Variants in ASTN2 observed in about 807,000 individuals in gnomAD.
The protein encoded by ASTN2 is astrotactin-2.
Under a neutral mutation model 139.8 loss-of-function variants are expected in ASTN2, and 54 were observed. The ratio of observed to expected loss-of-function variants is 0.39; its 90% CI spans 0.31 to 0.48. The LOEUF is 0.48. Among genes scored for constraint, ASTN2 ranks in the 20% least tolerant of loss-of-function variants. The probability of loss-of-function intolerance (pLI) is 0.95; values close to 1 mark genes in which losing one functional copy is unlikely to be tolerated. For synonymous variants in ASTN2, 756 were observed against 719.5 expected, an observed-to-expected ratio of 1.05 and a Z score of -0.81; for missense variants, 1,565 against 1,725.1, an observed-to-expected ratio of 0.91 and a Z score of 1.64.
intron 19 of ASTN2, among the ~76,000 whole-genome samples, chr9:116,597,314 T>TTTTTTTTTG: frequency 7.0e-6 from 1 of 143,746 alleles, no homozygotes; most frequent in South Asian, 2.4e-4. Context: ...TTTTTTTTTT[T>TTTTTTTTTG]TTTTTTTTTG....
At chr9:117,125,177 C>G (rs1829656700) in intron 4 of ASTN2, among the ~76,000 whole-genome samples, 1 of 152,178 alleles carries the variant, frequency 6.6e-6, no homozygotes, top group Non-Finnish European at 1.5e-5. Context: ...CTTTGCAAAG[C>G]TTGTCTTCAA....
chr9:116,725,117 G>A (rs567455227), intron 16 of ASTN2, among the ~76,000 whole-genome samples: 5 of 152,056 alleles, frequency 3.3e-5, no homozygotes, highest in Admixed American at 2.0e-4. Context: ...AGCTACTTAC[G>A]TACCCATTTC....
chr9:116,548,922 A>ATAAATGC lies in ASTN2; in HGVS notation c.3356-61429_3356-61423dup, dbSNP rs999415699. On this transcript the variant is annotated intron_variant, in intron 19 of 22. Transcript: ENST00000313400. ...CCAGGGTCTAGATCCATGACCCTAA[A>ATAAATGC]TAAATGCTGAGATCCCTGTAAGCTT... 1.3e-5 allele frequency among the ~76,000 whole-genome samples: 2 copies of ATAAATGC among 152,342 alleles called. 1 individual carries two copies. Among genetic ancestry groups the ATAAATGC allele is most frequent in the Admixed American group, 1.3e-4 (2 of 15,310 alleles).
intron 19 of ASTN2, among the ~76,000 whole-genome samples, chr9:116,572,464 G>A (rs528179504): frequency 9.9e-5 from 15 of 152,166 alleles, no homozygotes; most frequent in Non-Finnish European, 1.8e-4. Flanking sequence ...GAATGGGTAG[G>A]GTCGCCTATA....
At chr9:117,409,227 T>C (rs992689199) in intron 1 of ASTN2, among the ~76,000 whole-genome samples, 2 of 152,250 alleles carry the variant, frequency 1.3e-5, no homozygotes, top group African/African-American at 4.8e-5. Flanking sequence ...ATGAACATTC[T>C]GTGGTCAGAA....
chr9:117,162,417 A>G (rs550009942), intron 3 of ASTN2, among the ~76,000 whole-genome samples: 1 of 152,018 alleles, frequency 6.6e-6, no homozygotes, highest in Non-Finnish European at 1.5e-5. Flanking sequence ...CTCTGGTGAG[A>G]GCAAAGCAGA....
rs554978165 is a variant in ASTN2, at chr9:116,786,076, A to G, written c.2396+19556T>C. 2.0e-5 allele frequency among the ~76,000 whole-genome samples: 3 copies of G among 151,958 alleles called. No homozygotes were observed. In the East Asian group the frequency reaches 5.8e-4, roughly 29 times the overall value. On this transcript the variant is annotated intron_variant, in intron 13 of 22. Transcript: ENST00000313400. ...GCCCCGCCTCCTTCCCCTCTGTTCTATCCACCGAGGCTCCTTTTGGTCCAC... is the reference window on the plus strand; with the variant it reads ...GCCCCGCCTCCTTCCCCTCTGTTCTGTCCACCGAGGCTCCTTTTGGTCCAC...
intron 6 of ASTN2, among the ~76,000 whole-genome samples, chr9:117,035,724 C>A (rs933047268): frequency 6.6e-6 from 1 of 152,088 alleles, no homozygotes; most frequent in Non-Finnish European, 1.5e-5. Context: ...GGAAGGTGAG[C>A]TTGATTGGGA....
At chr9:116,722,313 C>T (rs1828495389) in intron 16 of ASTN2, among the ~76,000 whole-genome samples, 1 of 152,100 alleles carries the variant, frequency 6.6e-6, no homozygotes. Flanking sequence ...CAATGAATAA[C>T]TATGACTTTA....
intron 17 of ASTN2, among the ~76,000 whole-genome samples, chr9:116,637,170 G>A (rs529612017): frequency 1.3e-5 from 2 of 152,298 alleles, no homozygotes; most frequent in East Asian, 3.9e-4. Context: ...ATGGACTAAG[G>A]TAGAGTCTAC....
chr9:116,547,448 T>C (rs1315298691), intron 19 of ASTN2: 1 of 152,236 alleles, frequency 6.6e-6, no homozygotes, highest in African/African-American at 2.4e-5. Context: ...TGCTGATTCA[T>C]ACAAAAACAG....
At chr9:116,827,914 A>C (rs1831683082) in intron 11 of ASTN2, among the ~76,000 whole-genome samples, 1 of 109,296 alleles carries the variant, frequency 9.1e-6, no homozygotes, top group African/African-American at 3.6e-5. Flanking sequence ...CCTGATACCA[A>C]AACCATACAA....
intron 16 of ASTN2, among the ~76,000 whole-genome samples, chr9:116,659,281 T>A (rs1243537285): frequency 2.0e-5 from 3 of 152,164 alleles, no homozygotes; most frequent in Admixed American, 6.5e-5. Flanking sequence ...TAATGAACAT[T>A]TGCATTCCAA....
At chr9:116,729,329 A>C (rs1400402360) in intron 14 of ASTN2, among the ~76,000 whole-genome samples, 2 of 152,118 alleles carry the variant, frequency 1.3e-5, no homozygotes, top group African/African-American at 2.4e-5. Flanking sequence ...TTTACCCTAC[A>C]AGCAAGAGCA....
intron 16 of ASTN2, among the ~76,000 whole-genome samples, chr9:116,674,269 C>A (rs966761000): frequency 7.9e-5 from 12 of 152,166 alleles, no homozygotes; most frequent in Admixed American, 6.5e-4. Context: ...GACCCACAGA[C>A]CCCAGCTGCA....
chr9:117,120,134 G>A (rs989530995), intron 4 of ASTN2, among the ~76,000 whole-genome samples: 1 of 150,134 alleles, frequency 6.7e-6, no homozygotes, highest in Non-Finnish European at 1.5e-5. Context: ...GGGTGTGGGG[G>A]TGGGAATAAA....
At chr9:116,615,293 G>C (rs1296626903) in intron 19 of ASTN2, among the ~76,000 whole-genome samples, 2 of 152,132 alleles carry the variant, frequency 1.3e-5, no homozygotes, top group South Asian at 2.1e-4. Context: ...TAAACTAGTT[G>C]AACCATTGTG....
chr9:117,183,993 C>T (rs1332040585), intron 3 of ASTN2, among the ~76,000 whole-genome samples: 1 of 152,170 alleles, frequency 6.6e-6, no homozygotes, highest in Non-Finnish European at 1.5e-5. Context: ...CCCTCAGAAC[C>T]AAGCCAATTT....
intron 10 of ASTN2, among the ~76,000 whole-genome samples, chr9:116,934,871 C>G (rs918500345): frequency 3.3e-5 from 5 of 152,170 alleles, no homozygotes; most frequent in Non-Finnish European, 7.4e-5. Context: ...TATATACCCC[C>G]CTGTCCATAT....
Sources: gnomAD v4.1 joint callset for allele counts (sites outside exome capture counted in the v4.1 genomes callset) on GRCh38, gnomAD v4.1.1 for gene constraint, MANE v1.5 for transcripts, NCBI Gene and HGNC (gene_info 2026-07-23, HGNC 2026-07-21) for gene names.